The following RBBP6 variants were observed in gnomAD, a reference collection of about 807,000 sequenced individuals.
The protein encoded by RBBP6 is RB binding protein 6, ubiquitin ligase, also known as E3 ubiquitin-protein ligase RBBP6.
In RBBP6, 25 loss-of-function variants were observed where a neutral mutation model predicts 167.7. That is an observed-to-expected ratio of 0.15 (90% CI 0.11 to 0.21). The LOEUF (loss-of-function observed/expected upper bound fraction) is 0.21, where lower values mean the gene tolerates loss of function less well. RBBP6 is among the 10% of genes least tolerant of loss of function. The pLI is 1.00. For synonymous variants in RBBP6, 789 were observed against 735.8 expected (o/e 1.07, Z -1.17); for missense variants, 1,868 against 2,134.2 (o/e 0.88, Z 2.46).
At chr16:24,542,456 C>CTT (rs1555471340) in intron 1 of RBBP6, among the ~76,000 whole-genome samples, 8 of 108,994 alleles carry the variant, frequency 7.3e-5, no homozygotes, top group African/African-American at 1.9e-4. Context: ...TTGAATGCAG[C>CTT]TTTTTTTTTT....
chr16:24,564,745 G>A, intron 13 of RBBP6, 52 bp from the exon 14 acceptor site: 1 of 1,594,894 alleles, frequency 6.3e-7, no homozygotes, highest in South Asian at 1.1e-5. Flanking sequence ...GAAAGGTCAT[G>A]TATTATACCC....
chr16:24,553,626 G>C lies in RBBP6; in HGVS notation c.348+69G>C. The C allele has an allele frequency of 3.8e-6, 5 of 1,316,314 alleles. No homozygotes were observed. The South Asian group carries it at 4.2e-5, about 11-fold the overall frequency. 81.5% of individuals were successfully genotyped at this position (1,316,314 alleles called of 1,614,324 possible). ...ACATCATATTTTTTTATGTGGAACG[G>C]TTTTTTAAGAGGGGTTGGGGGAGGA... On this transcript the variant is annotated intron_variant, in intron 4 of 17. Transcript: ENST00000319715.
chr16:24,541,204 CCA>C (rs2059554220), intron 1 of RBBP6, among the ~76,000 whole-genome samples: 1 of 81,708 alleles, frequency 1.2e-5, no homozygotes, highest in Admixed American at 1.7e-4. Context: ...AAAAAAAAAA[CCA>C]AAAAAACAAT....
chr16:24,541,204 C>A (rs3760102), intron 1 of RBBP6, among the ~76,000 whole-genome samples: 42,359 of 80,878 alleles, frequency 0.52, 8,099 homozygotes, highest in Middle Eastern at 0.6. Flanking sequence ...AAAAAAAAAA[C>A]CAAAAAAACA....
chr16:24,546,645 A>G (rs528512454), intron 2 of RBBP6, among the ~76,000 whole-genome samples: 1 of 152,298 alleles, frequency 6.6e-6, no homozygotes, highest in East Asian at 1.9e-4. Flanking sequence ...TGACAGCATC[A>G]AGAGTATTCA....
intron 4 of RBBP6, 67 bp from the exon 5 acceptor site, chr16:24,555,548 T>G (rs546483868): frequency 5.6e-5 from 68 of 1,207,080 alleles, no homozygotes; most frequent in East Asian, 7.0e-5. Flanking sequence ...ATGAGTGGTG[T>G]TGTCTTTGGC....
At chr16:24,562,406 G>A (rs756407321) in intron 10 of RBBP6, among the ~76,000 whole-genome samples, 3 of 152,162 alleles carry the variant, frequency 2.0e-5, no homozygotes, top group Admixed American at 6.5e-5. Flanking sequence ...CCTATTAAAC[G>A]TTGAATGTTC....
At position 24,571,493 on chromosome 16, in the gene RBBP6, A is replaced by C; in HGVS notation, c.4427A>C (p.Asp1476Ala). The stretch of plus-strand genomic sequence containing the variant: ...ACTCCCAATAGAGACAAAAAAACTG[A>C]CTATGACACCAGAGAGTATTCAAGT... ...DFTPNRDKKT[D>A]YDTREYSSSK... The change falls in exon 18 of 18, where the codon GAC (aspartate) becomes GCC (alanine). Residue 1476 changes from aspartate (D) to alanine (A), a missense_variant. Physicochemically the swap from Asp to Ala is moderately radical, Grantham distance 126. Around this residue, in one of 7 missense-constraint regions of RBBP6, gnomAD observed 591 missense variants for 540.5 expected, o/e 1.09. Coordinates refer to ENST00000319715, the MANE Select transcript of RBBP6 (RefSeq NM_006910.5). The C allele has an allele frequency of 6.2e-7, 1 of 1,612,620 alleles. No individual in the cohort carries two copies. Among genetic ancestry groups the C allele is most frequent in the Non-Finnish European group, 8.5e-7 (1 of 1,179,714 alleles).
chr16:24,564,776 A>AT (rs769510629), intron 13 of RBBP6, 21 bp from the exon 14 acceptor site: 892 of 1,558,554 alleles, frequency 5.7e-4, no homozygotes, highest in South Asian at 1.6e-3. Context: ...ACTTGAGCCT[A>AT]TTTTTTTTTC....
intron 2 of RBBP6, 37 bp from the exon 3 acceptor site, chr16:24,548,908 A>T (rs780670947): frequency 6.6e-6 from 10 of 1,516,676 alleles, no homozygotes; most frequent in Non-Finnish European, 9.1e-6. Flanking sequence ...ATTCATAAAT[A>T]GCTAATGTTA....
Position 24,570,083 on chromosome 16 carries a change from G to A in RBBP6, c.3393G>A (p.Lys1131=), listed in dbSNP as rs1435164782. The part of the protein sequence containing the change: ...EKLTTKEEKA[K]KPNEKNKPLD... ...TAACAACTAAGGAAGAAAAGGCCAA[G>A]AAGCCTAATGAGAAAAACAAACCAC... Residue 1131 remains lysine, a synonymous_variant, in exon 17 of 18, where the codon AAG becomes AAA. Coordinates refer to ENST00000319715, the MANE Select transcript of RBBP6 (RefSeq NM_006910.5). 12 of 1,605,300 alleles carry A rather than the reference G, an allele frequency of 7.5e-6. No homozygotes were observed. In the East Asian group the frequency reaches 2.7e-4, roughly 36 times the overall value.
At chr16:24,544,300 G>A (rs1413831152) in intron 1 of RBBP6, among the ~76,000 whole-genome samples, 4 of 152,128 alleles carry the variant, frequency 2.6e-5, no homozygotes, top group Non-Finnish European at 5.9e-5. Context: ...GGAATTTGGG[G>A]CTATCATGAA....
At chr16:24,558,922 TA>T (rs909673163) in intron 7 of RBBP6, among the ~76,000 whole-genome samples, 2 of 152,220 alleles carry the variant, frequency 1.3e-5, no homozygotes, top group African/African-American at 4.8e-5. Flanking sequence ...TATCTCATTT[TA>T]TTAATTATTT....
chr16:24,563,767 C>T (rs1899128505), intron 13 of RBBP6, 103 bp downstream of exon 13: 13 of 990,472 alleles, frequency 1.3e-5, no homozygotes, highest in Admixed American at 5.2e-5. Context: ...AACTAGGCAG[C>T]GGGTCGCTGC....
chr16:24,561,806 T>G lies in RBBP6; in HGVS notation c.952-18T>G, dbSNP rs779576459. On this transcript the variant is annotated intron_variant, in intron 9 of 17. Coordinates refer to ENST00000319715, the MANE Select transcript of RBBP6 (RefSeq NM_006910.5). ...ACTGCATAACATTTTTCTGCATTAT[T>G]ATGCTTGGTATCTGTAGGCTGTAAA... 5 of 1,607,502 alleles carry G rather than the reference T, an allele frequency of 3.1e-6. No homozygotes were observed. The East Asian group carries it at 1.1e-4, about 36-fold the overall frequency.
intron 2 of RBBP6, among the ~76,000 whole-genome samples, chr16:24,547,964 T>C (rs1252231260): frequency 6.6e-6 from 1 of 152,204 alleles, no homozygotes; most frequent in Non-Finnish European, 1.5e-5. Flanking sequence ...GGGTTCTGTT[T>C]GTAATAAATT....
Position 24,556,295 on chromosome 16 carries a change from T to A in RBBP6, c.535-13T>A. ...TTTCTCTTCCTCCTCCTCTTCCTTT[T>A]TCCTCTGAATAGGATAAAAACTTTG... On this transcript the variant is annotated splice_polypyrimidine_tract_variant and intron_variant, in intron 6 of 17. Coordinates refer to ENST00000319715, the MANE Select transcript of RBBP6 (RefSeq NM_006910.5). 1 of 1,546,184 alleles carries A rather than the reference T, an allele frequency of 6.5e-7. No homozygotes were observed.
At chr16:24,565,376 G>C (rs1453643485) in intron 14 of RBBP6, among the ~76,000 whole-genome samples, 4 of 152,210 alleles carry the variant, frequency 2.6e-5, no homozygotes, top group Non-Finnish European at 5.9e-5. Flanking sequence ...AATCTAAGAA[G>C]TAAGAATCTT....
In RBBP6 at chr16:24,571,971, T is replaced by C. The variant is rs754473546; in HGVS notation, c.4905T>C (p.Ala1635=). Residue 1635 remains alanine, a synonymous_variant, in exon 18 of 18, where the codon GCT becomes GCC. Coordinates refer to ENST00000319715, the MANE Select transcript of RBBP6 (RefSeq NM_006910.5). ...ACTTAACTAGAGAAACTGATGAAGC[T>C]GCTTTTGAACCAGACTATAATGAAA... ...SSDLTRETDE[A]AFEPDYNESD... The C allele has an allele frequency of 6.2e-7, 1 of 1,613,642 alleles. No individual in the cohort carries two copies. The highest frequency in any genetic ancestry group is 1.3e-5 in the African/African-American group (1 of 74,856).
Sources: allele counts gnomAD v4.1 joint callset (sites outside exome capture counted in the v4.1 genomes callset), GRCh38; gene constraint gnomAD v4.1.1; regional missense constraint gnomAD v4.1.1; transcripts MANE v1.5; gene names NCBI Gene and HGNC (gene_info 2026-07-23, HGNC 2026-07-21).